The following CSMD1 variants were observed in gnomAD, a reference collection of about 807,000 sequenced individuals.
CSMD1 encodes the protein CUB and sushi domain-containing protein 1.
CSMD1 carries 213 observed loss-of-function variants against 417.5 expected under a neutral mutation model. The ratio of observed to expected loss-of-function variants is 0.51; its 90% CI spans 0.46 to 0.57. CSMD1 has a LOEUF of 0.57. Ranked by LOEUF, CSMD1 falls within the 20% of genes least tolerant of loss-of-function variation. The pLI, the probability that CSMD1 is intolerant of heterozygous loss-of-function variation, is 0.00. For missense variants in CSMD1, 6,923 were observed against 4,529.7 expected, an observed-to-expected ratio of 1.53 and a Z score of -15.17; for synonymous variants, 2,862 against 1,736.8, an observed-to-expected ratio of 1.65 and a Z score of -16.11.
rs114192767 is a variant in CSMD1 at position 4,061,611 on chromosome 8, C to T, written c.416-29512G>A. Among the ~76,000 whole-genome samples the T allele has an allele frequency of 9.7e-3, 1,470 of 152,260 alleles. 15 individuals carry two copies. The highest frequency in any genetic ancestry group is 0.034 in the African/African-American group (1,409 of 41,562). The stretch of plus-strand genomic sequence containing the variant: ...GTTGTCTGGTTCCAGACACTAGGAC[C>T]TGTTTACCAGACAGATTCTGCAAGG... On this transcript the variant is annotated intron_variant, in intron 3 of 69. Coordinates refer to ENST00000635120, the MANE Select transcript of CSMD1 (RefSeq NM_033225.6).
At chr8:3,365,372 C>T (rs1461208496) in intron 20 of CSMD1, among the ~76,000 whole-genome samples, 1 of 151,994 alleles carries the variant, frequency 6.6e-6, no homozygotes, top group African/African-American at 2.4e-5. Flanking sequence ...TCTTAAAATC[C>T]CCAAGAAATA....
At chr8:4,023,409 T>A (rs1796885939) in intron 4 of CSMD1, among the ~76,000 whole-genome samples, 1 of 152,132 alleles carries the variant, frequency 6.6e-6, no homozygotes, top group Non-Finnish European at 1.5e-5. Flanking sequence ...AATTCCAATT[T>A]CATTATGAAT....
intron 7 of CSMD1, among the ~76,000 whole-genome samples, chr8:3,642,667 A>T (rs1797366016): frequency 6.6e-6 from 1 of 152,160 alleles, no homozygotes; most frequent in Non-Finnish European, 1.5e-5. Flanking sequence ...AGATTTCACA[A>T]CTGGGCTTAT....
chr8:4,388,082 G>A (rs1803579951), intron 3 of CSMD1, among the ~76,000 whole-genome samples: 1 of 152,166 alleles, frequency 6.6e-6, no homozygotes, highest in African/African-American at 2.4e-5. Context: ...AATGTCAGAA[G>A]TAAACCAGGA....
chr8:3,219,334 C>A lies in CSMD1; in HGVS notation c.4593G>T (p.Glu1531Asp). 1.3e-6 allele frequency: 2 copies of A among 1,583,366 alleles called. No individual in the cohort carries two copies. The highest frequency in any genetic ancestry group is 4.6e-5 in the East Asian group (2 of 43,738). ...CCAGAAACAGGCTGTTTCCGCTACT[C>A]TCTATTCTTTCTGGGGCCTGAGAGC... is the stretch of plus-strand genomic sequence containing the variant. The part of the protein sequence containing the change: ...YQGSQAPERI[E>D]SSGNSLFLAF... The change falls in exon 29 of 70, where the codon GAG becomes GAT. Residue 1531 changes from glutamate to aspartate, a missense_variant. By Grantham distance (45) the Glu-to-Asp change is conservative. Coordinates refer to ENST00000635120, the MANE Select transcript of CSMD1 (RefSeq NM_033225.6).
At chr8:3,471,619 T>C (rs1309672233) in intron 11 of CSMD1, among the ~76,000 whole-genome samples, 1 of 143,330 alleles carries the variant, frequency 7.0e-6, no homozygotes, top group Non-Finnish European at 1.5e-5. Context: ...TCTCCTTCCT[T>C]CCCTCCCTCT....
intron 3 of CSMD1, among the ~76,000 whole-genome samples, chr8:4,150,379 T>G (rs566144835): frequency 9.5e-4 from 144 of 152,344 alleles, no homozygotes; most frequent in African/African-American, 3.4e-3. Context: ...CTTTTGTGCC[T>G]GGCTACCTTT....
intron 1 of CSMD1, among the ~76,000 whole-genome samples, chr8:4,934,687 C>G (rs1807479394): frequency 6.6e-6 from 1 of 152,156 alleles, no homozygotes; most frequent in Non-Finnish European, 1.5e-5. Context: ...GATCCATCTA[C>G]TTATAATCTA....
chr8:3,034,454 T>C (rs949893419), intron 50 of CSMD1, among the ~76,000 whole-genome samples: 8 of 152,188 alleles, frequency 5.3e-5, no homozygotes, highest in Non-Finnish European at 8.8e-5. Context: ...TGGAAATAGT[T>C]CAACTAAGTC....
Position 2,974,448 on chromosome 8 carries a change from C to T in CSMD1, c.8740+3G>A, listed in dbSNP as rs572317444. ...TCTGTCAGTTCACTCGTAAGCCCCT[C>T]ACCTGTGCAGTGGGGCAGTGCCCCG... On this transcript the variant is annotated splice_donor_region_variant and intron_variant, in intron 56 of 69. Transcript: ENST00000635120. The T allele has an allele frequency of 8.2e-6, 13 of 1,586,200 alleles. No individual in the cohort carries two copies. In the South Asian group the frequency reaches 9.1e-5, roughly 11 times the overall value.
chr8:4,025,053 G>C (rs1043947204), intron 4 of CSMD1, among the ~76,000 whole-genome samples: 4 of 152,132 alleles, frequency 2.6e-5, no homozygotes, highest in Admixed American at 6.5e-5. Flanking sequence ...GACAACATCA[G>C]ACTAATACTC....
At chr8:4,421,756 C>G (rs1440029705) in intron 2 of CSMD1, among the ~76,000 whole-genome samples, 4 of 151,650 alleles carry the variant, frequency 2.6e-5, no homozygotes, top group Non-Finnish European at 1.5e-5. Flanking sequence ...AATCCAAATT[C>G]TTATTGCAAG....
intron 3 of CSMD1, among the ~76,000 whole-genome samples, chr8:4,200,366 T>A (rs1799575864): frequency 2.0e-5 from 3 of 152,124 alleles, no homozygotes; most frequent in Admixed American, 2.0e-4. Flanking sequence ...CATGATTTTT[T>A]AAAAGAAATA....
intron 39 of CSMD1, among the ~76,000 whole-genome samples, chr8:3,154,610 G>A (rs188294778): frequency 1.8e-4 from 27 of 152,128 alleles, no homozygotes; most frequent in Admixed American, 3.9e-4. Flanking sequence ...AGAGCCCTGC[G>A]GTGCAGTGAG....
intron 2 of CSMD1, among the ~76,000 whole-genome samples, chr8:4,455,834 G>C (rs1374980502): frequency 7.0e-6 from 1 of 142,528 alleles, no homozygotes; most frequent in Non-Finnish European, 1.5e-5. Flanking sequence ...AGGAGGCTGA[G>C]GCAAGATAAC....
chr8:3,462,225 A>G (rs1816550380), intron 12 of CSMD1, among the ~76,000 whole-genome samples: 1 of 152,084 alleles, frequency 6.6e-6, no homozygotes, highest in East Asian at 1.9e-4. Flanking sequence ...ACCCATGTCA[A>G]TGGTCAATGG....
At chr8:4,761,903 CT>C (rs1563319589) in intron 1 of CSMD1, among the ~76,000 whole-genome samples, 15 of 98,202 alleles carry the variant, frequency 1.5e-4, no homozygotes, top group South Asian at 3.6e-4. Context: ...ACCTATCTAT[CT>C]ATCTATCAAT....
intron 42 of CSMD1, chr8:3,112,987 G>C (rs553836519): frequency 2.0e-5 from 3 of 152,314 alleles, no homozygotes; most frequent in Admixed American, 6.5e-5. Context: ...CCTCGCTGCA[G>C]TGGCATCAAA....
At chr8:4,357,350 G>A (rs1801489334) in intron 3 of CSMD1, among the ~76,000 whole-genome samples, 1 of 152,152 alleles carries the variant, frequency 6.6e-6, no homozygotes, top group Admixed American at 6.5e-5. Flanking sequence ...ATTCACAACA[G>A]GATCGTAGAG....
Sources: allele counts gnomAD v4.1 joint callset (sites outside exome capture counted in the v4.1 genomes callset), GRCh38; gene constraint gnomAD v4.1.1; transcripts MANE v1.5; gene names NCBI Gene and HGNC (gene_info 2026-07-23, HGNC 2026-07-21).